Variants in PARVB observed in about 807,000 individuals in gnomAD.
PARVB encodes beta-parvin.
PARVB carries 46 observed loss-of-function variants against 47.0 expected under a neutral mutation model. The ratio of observed to expected loss-of-function variants is 0.98; its 90% CI spans 0.77 to 1.25. The LOEUF (loss-of-function observed/expected upper bound fraction) is 1.25, where lower values mean the gene tolerates loss of function less well. Among genes scored for constraint, PARVB ranks in the 50% most tolerant of loss-of-function variants. The probability of loss-of-function intolerance (pLI) is 0.00; values close to 1 mark genes in which losing one functional copy is unlikely to be tolerated. For synonymous variants in PARVB, 196 were observed against 196.3 expected (o/e 1.00, Z 0.01); for missense variants, 473 against 471.6 (o/e 1.00, Z -0.03).
chr22:44,061,718 G>C (rs1345775922), intron 1 of PARVB, among the ~76,000 whole-genome samples: 1 of 151,584 alleles, frequency 6.6e-6, no homozygotes, highest in Non-Finnish European at 1.5e-5. Flanking sequence ...CTGGGTTCAA[G>C]CAATTCTCCA....
intron 8 of PARVB, chr22:44,147,310 G>T: frequency 4.2e-6 from 1 of 236,464 alleles, no homozygotes; most frequent in South Asian, 6.2e-5. Flanking sequence ...TGGGAGTGGA[G>T]GGGGGAAACA....
chr22:44,000,487 A>G (rs1445183760), intron 2 of PARVB, among the ~76,000 whole-genome samples: 1 of 152,212 alleles, frequency 6.6e-6, no homozygotes, highest in Non-Finnish European at 1.5e-5. Flanking sequence ...AGAAATACAG[A>G]TGAAATAGGC....
At position 44,002,179 on chromosome 22, in the gene PARVB, T is replaced by C. The variant is rs572565492; in HGVS notation, c.211+2506T>C. On this transcript the variant is annotated intron_variant, in intron 2 of 13. Transcript: ENST00000406477. Reference sequence around the variant, plus strand: ...AGTAATGTCTTTGCATTATTATAAATATAGTTTTAACCCAATGGACTCCCT... The same window carrying C: ...AGTAATGTCTTTGCATTATTATAAACATAGTTTTAACCCAATGGACTCCCT... Among the ~76,000 whole-genome samples, 347 of 152,324 alleles carry C rather than the reference T, an allele frequency of 2.3e-3. 1 individual carries two copies. The highest frequency in any genetic ancestry group is 2.8e-3 in the Non-Finnish European group (191 of 68,024).
upstream of PARVB, among the ~76,000 whole-genome samples, chr22:44,022,905 C>T (rs1208158977): frequency 3.3e-5 from 5 of 151,862 alleles, no homozygotes; most frequent in Non-Finnish European, 7.4e-5. Flanking sequence ...CACCACCATG[C>T]CCCGATAATT....
At chr22:44,026,230 G>T (rs557401179) in intron 1 of PARVB, 15 of 755,844 alleles carry the variant, frequency 2.0e-5, no homozygotes, top group Non-Finnish European at 2.4e-5. Context: ...GAATTGATGT[G>T]TGTCTAGAAA....
intron 1 of PARVB, among the ~76,000 whole-genome samples, chr22:44,055,674 C>G (rs796581966): frequency 1.5e-5 from 2 of 137,070 alleles, no homozygotes; most frequent in South Asian, 4.9e-4. Flanking sequence ...CTCTCTCTCT[C>G]TCTCTATATA....
chr22:44,090,183 G>C (rs750307436), intron 1 of PARVB, among the ~76,000 whole-genome samples: 1 of 152,204 alleles, frequency 6.6e-6, no homozygotes, highest in Admixed American at 6.5e-5. Flanking sequence ...GGCTTAGTGC[G>C]GTGAGGGGAC....
chr22:44,139,660 A>T (rs1023289035), intron 7 of PARVB: 20 of 161,072 alleles, frequency 1.2e-4, no homozygotes, highest in Admixed American at 3.0e-4. Context: ...CATTTTGGCC[A>T]GGCTGGTCTC....
At chr22:44,087,897 T>C (rs1466173260) in intron 1 of PARVB, among the ~76,000 whole-genome samples, 1 of 151,240 alleles carries the variant, frequency 6.6e-6, no homozygotes, top group Non-Finnish European at 1.5e-5. Context: ...GCCCAATCTT[T>C]GGGTGGAGGC....
rs536097676 is a variant in PARVB at position 44,028,309 on chromosome 22, T to TG, written c.112+3858_112+3859insG. On this transcript the variant is annotated intron_variant, in intron 1 of 12. Coordinates refer to ENST00000338758, the MANE Select transcript of PARVB (RefSeq NM_013327.5). Reference sequence around the variant, plus strand: ...ATCCCTGGCAACCACGGATCATTTTTTTGTTTTGTTTTTTTGGTTTTTGTT... The same window carrying TG: ...ATCCCTGGCAACCACGGATCATTTTTGTTGTTTTGTTTTTTTGGTTTTTGTT... Among the ~76,000 whole-genome samples the TG allele has an allele frequency of 4.7e-3, 607 of 128,844 alleles. 5 individuals are homozygous for TG. The highest frequency in any genetic ancestry group is 0.016 in the African/African-American group (586 of 35,806). The allele number at this position is 128,844 out of a possible 152,430, so 84.5% of individuals were successfully genotyped here.
chr22:44,131,634 T>C lies in PARVB; in HGVS notation c.517+7T>C. Reference sequence around the variant, plus strand: ...CTCCGGTGGAGCGTGGACTGTGAGTTCCACGCCACAGGGGGAGGGACTGTC... The same window carrying C: ...CTCCGGTGGAGCGTGGACTGTGAGTCCCACGCCACAGGGGGAGGGACTGTC... On this transcript the variant is annotated splice_region_variant and intron_variant, in intron 5 of 12. Transcript: ENST00000338758. 1 of 1,606,904 alleles carries C rather than the reference T, an allele frequency of 6.2e-7. No homozygotes were observed. Among genetic ancestry groups the C allele is most frequent in the Non-Finnish European group, 8.5e-7 (1 of 1,176,950 alleles).
intron 1 of PARVB, among the ~76,000 whole-genome samples, chr22:44,072,464 GGAGTCT>G (rs776049883): frequency 1.3e-5 from 2 of 152,054 alleles, no homozygotes; most frequent in Non-Finnish European, 2.9e-5. Context: ...TTTTTGAGAT[GGAGTCT>G]TGCCCTGTTG....
chr22:44,161,909 G>GTCC (rs2147179419), intron 11 of PARVB, among the ~76,000 whole-genome samples: 1 of 152,322 alleles, frequency 6.6e-6, no homozygotes, highest in Non-Finnish European at 1.5e-5. Context: ...CAGGCAGGCT[G>GTCC]TCCTGCAGGG....
chr22:44,010,097 C>T (rs867110567), intron 2 of PARVB, among the ~76,000 whole-genome samples: 2 of 152,164 alleles, frequency 1.3e-5, no homozygotes, highest in South Asian at 2.1e-4. Flanking sequence ...TGAGCCACTG[C>T]GCCCGTCCCC....
At chr22:43,999,469 C>T in intron 1 of PARVB, 1 of 1,562,626 alleles carries the variant, frequency 6.4e-7, no homozygotes, top group Non-Finnish European at 8.8e-7. Context: ...CTCAGAAGTC[C>T]AAATTTCTAG....
At chr22:44,105,510 AC>A (rs761091799) in intron 3 of PARVB, 16 of 151,728 alleles carry the variant, frequency 1.1e-4, no homozygotes, top group Admixed American at 7.9e-4. Flanking sequence ...TCTCCTCCTA[AC>A]CCCAGTTACT....
At chr22:44,090,290 C>T (rs2052134401) in intron 1 of PARVB, among the ~76,000 whole-genome samples, 2 of 152,352 alleles carry the variant, frequency 1.3e-5, no homozygotes, top group African/African-American at 2.4e-5. Context: ...GAGGGGTCTG[C>T]CAGCCTGTGC....
upstream of PARVB, among the ~76,000 whole-genome samples, chr22:44,021,582 A>G (rs951379354): frequency 9.9e-5 from 15 of 152,148 alleles, no homozygotes; most frequent in African/African-American, 3.1e-4. Flanking sequence ...AGATCTGCTT[A>G]TTGCTATAGT....
intron 4 of PARVB, among the ~76,000 whole-genome samples, chr22:44,121,323 G>T (rs2053042188): frequency 6.6e-6 from 1 of 152,006 alleles, no homozygotes; most frequent in Non-Finnish European, 1.5e-5. Flanking sequence ...TTTAATACAT[G>T]GTCTCTAGAG....
Sources: gnomAD v4.1 joint callset for allele counts (sites outside exome capture counted in the v4.1 genomes callset) on GRCh38, gnomAD v4.1.1 for gene constraint, MANE v1.5 for transcripts, NCBI Gene and HGNC (gene_info 2026-07-23, HGNC 2026-07-21) for gene names.